BUD13: variants seen among roughly 807,000 people sequenced by gnomAD.
BUD13 encodes the protein BUD13 homolog.
BUD13 carries 47 observed loss-of-function variants against 62.5 expected under a neutral mutation model. The ratio of observed to expected loss-of-function variants is 0.75; its 90% CI spans 0.60 to 0.96. The LOEUF is 0.96. Ranked by LOEUF, BUD13 falls within the 40% of genes least tolerant of loss-of-function variation. The pLI, the probability that BUD13 is intolerant of heterozygous loss-of-function variation, is 0.00. For synonymous variants in BUD13, 293 were observed against 280.1 expected, an observed-to-expected ratio of 1.05 and a Z score of -0.46; for missense variants, 821 against 790.9, an observed-to-expected ratio of 1.04 and a Z score of -0.46.
intron 9 of BUD13, among the ~76,000 whole-genome samples, chr11:116,749,136 T>C (rs989830945): frequency 2.0e-5 from 3 of 151,958 alleles, no homozygotes; most frequent in South Asian, 2.1e-4. Flanking sequence ...TTTCAAACGT[T>C]TGCCACTCTA....
At chr11:116,758,052 G>A in intron 7 of BUD13, 102 bp from the exon 8 acceptor site, 1 of 1,479,098 alleles carries the variant, frequency 6.8e-7, no homozygotes, top group South Asian at 1.3e-5. Flanking sequence ...CCTCTTTCTA[G>A]TACCCTAGGG....
chr11:116,760,956 G>C lies in BUD13; in HGVS notation c.1037-4C>G, dbSNP rs1240888665. 6.2e-7 allele frequency: 1 copy of C among 1,613,400 alleles called. No homozygotes were observed. The highest frequency in any genetic ancestry group is 2.2e-5 in the East Asian group (1 of 44,892). On this transcript the variant is annotated splice_region_variant and splice_polypyrimidine_tract_variant and intron_variant, in intron 4 of 9. Coordinates refer to ENST00000260210, the MANE Select transcript of BUD13 (RefSeq NM_032725.4). The stretch of plus-strand genomic sequence containing the variant: ...TCAGTTGCTTTCTGGCAGTCACCTG[G>C]ATAGGAGCAAAGAATCTGTGTGACT...
chr11:116,765,644 A>C (rs1304035967), intron 2 of BUD13, among the ~76,000 whole-genome samples, 198 bp from the exon 3 acceptor site: 1 of 152,240 alleles, frequency 6.6e-6, no homozygotes, highest in Non-Finnish European at 1.5e-5. Flanking sequence ...TATTGGTTTA[A>C]TTGTAGATCC....
chr11:116,759,290 A>G, intron 5 of BUD13, 111 bp from the exon 6 acceptor site: 2 of 685,186 alleles, frequency 2.9e-6, no homozygotes, highest in Non-Finnish European at 2.6e-6. Flanking sequence ...AATTAAACCT[A>G]AAACTCTAGC....
intron 9 of BUD13, among the ~76,000 whole-genome samples, chr11:116,752,687 C>T (rs1940257872): frequency 6.6e-6 from 1 of 152,202 alleles, no homozygotes; most frequent in South Asian, 2.1e-4. Flanking sequence ...CAGTGAACTG[C>T]AAACGGAACT....
chr11:116,749,134 G>A (rs186779936), intron 9 of BUD13, among the ~76,000 whole-genome samples: 45 of 151,888 alleles, frequency 3.0e-4, no homozygotes, highest in Admixed American at 2.4e-3. Context: ...TATTTCAAAC[G>A]TTTGCCACTC....
intron 6 of BUD13, 26 bp downstream of exon 6, chr11:116,759,048 T>G: frequency 6.5e-7 from 1 of 1,533,980 alleles, no homozygotes; most frequent in East Asian, 2.2e-5. Context: ...GAGCCTAAAT[T>G]GGTCTCTGCA....
rs750220858 is a variant in BUD13 at position 116,770,497 on chromosome 11, C to CT, written c.144-276dup. Among the ~76,000 whole-genome samples, 1,203 of 142,242 alleles carry CT rather than the reference C, an allele frequency of 8.5e-3. 8 individuals are homozygous for CT. Among genetic ancestry groups the CT allele is most frequent in the South Asian group, 0.02 (89 of 4,470 alleles). The allele number at this position is 142,242 out of a possible 152,430, so 93.3% of individuals were successfully genotyped here. A position where few individuals can be genotyped will look rare whatever the true frequency, so the allele number is the denominator to read the frequency against. Reference sequence around the variant, plus strand: ...CTGATCTACTCTTTTCAATCTTTTTCTTTTTTTTTTTTTTTGAGACGGAGT... The same window carrying CT: ...CTGATCTACTCTTTTCAATCTTTTTCTTTTTTTTTTTTTTTTGAGACGGAGT... On this transcript the variant is annotated intron_variant, in intron 1 of 9. Coordinates refer to ENST00000260210, the MANE Select transcript of BUD13 (RefSeq NM_032725.4).
Position 116,755,373 on chromosome 11 carries a change from GAAC to G in BUD13, c.1766+1770_1766+1772del, listed in dbSNP as rs1565311557. On this transcript the variant is annotated intron_variant, in intron 9 of 9. Coordinates refer to ENST00000260210, the MANE Select transcript of BUD13 (RefSeq NM_032725.4). ...AAATATGTCAACATTTGGAAGGTCT[GAAC>G]AACTCAGCAAACCAATATTTTACAA... 2.0e-5 allele frequency among the ~76,000 whole-genome samples: 3 copies of G among 152,260 alleles called. No individual in the cohort carries two copies. In the South Asian group the frequency reaches 6.2e-4, roughly 32 times the overall value.
intron 4 of BUD13, among the ~76,000 whole-genome samples, chr11:116,761,557 G>GA (rs571623209): frequency 2.3e-3 from 351 of 152,106 alleles, no homozygotes; most frequent in African/African-American, 8.3e-3. Context: ...GACTGTAACT[G>GA]GTGTGTAAAA....
intron 9 of BUD13, among the ~76,000 whole-genome samples, chr11:116,749,601 G>T (rs1372796765): frequency 6.6e-6 from 1 of 152,174 alleles, no homozygotes; most frequent in Non-Finnish European, 1.5e-5. Flanking sequence ...AAGGCAAACT[G>T]GTATGGCTGG....
At chr11:116,748,695 A>G (rs1386072064) in intron 9 of BUD13, 120 bp from the exon 10 acceptor site, 1 of 1,089,548 alleles carries the variant, frequency 9.2e-7, no homozygotes, top group Non-Finnish European at 1.3e-6. Flanking sequence ...ATATGAAAAT[A>G]TTTTAGGCAT....
intron 6 of BUD13, among the ~76,000 whole-genome samples, chr11:116,758,713 G>C (rs1940376760): frequency 6.7e-6 from 1 of 149,644 alleles, no homozygotes; most frequent in Non-Finnish European, 1.5e-5. Context: ...TCAGCCTCCT[G>C]AGTAGCTGGG....
Position 116,757,193 on chromosome 11 carries a change from G to T in BUD13, c.1719C>A (p.Pro573=), listed in dbSNP as rs1431203232. ...RPRYSGPAPP[P]NRFNIWPGYR... ...ATCCAGGCCAGATATTAAATCTGTT[G>T]GGAGGAGGTGCTGGACCACTGTAGC... The change falls in exon 9 of 10, where the codon CCC becomes CCA. Residue 573 remains proline, a synonymous_variant. Transcript: ENST00000260210. 1 of 1,614,210 alleles carries T rather than the reference G, an allele frequency of 6.2e-7. No homozygotes were observed. Among genetic ancestry groups the T allele is most frequent in the Non-Finnish European group, 8.5e-7 (1 of 1,180,024 alleles).
In BUD13 at chr11:116,760,899, T is replaced by C. The variant is rs1403969108; in HGVS notation, c.1090A>G (p.Ser364Gly). The C allele has an allele frequency of 5.0e-6, 8 of 1,613,962 alleles. No individual in the cohort carries two copies. In the East Asian group the frequency reaches 1.1e-4, roughly 22 times the overall value. Residue 364 changes from serine (S) to glycine (G), a missense_variant, in exon 5 of 10, where the codon AGT becomes GGT. Coordinates refer to ENST00000260210, the MANE Select transcript of BUD13 (RefSeq NM_032725.4). ...SDLSSPRHKQSPGHQDSDSDL... is the reference protein window; with the variant it reads ...SDLSSPRHKQGPGHQDSDSDL... ...GAATCAGAATCCTGGTGCCCTGGAC[T>C]TTGTTTATGCCGTGGAGAAGAAAGG...
At chr11:116,752,341 G>C (rs967566336) in intron 9 of BUD13, among the ~76,000 whole-genome samples, 2 of 151,842 alleles carry the variant, frequency 1.3e-5, no homozygotes, top group Non-Finnish European at 2.9e-5. Flanking sequence ...CCTTGCAGCA[G>C]GCCGAAAAGA....
Position 116,763,185 on chromosome 11 carries a change from G to A in BUD13, c.404C>T (p.Thr135Ile), listed in dbSNP as rs1565314523. ...DSSPRRVRHG[T>I]PDPSPRKDRH... ...GTCCTTCCTAGGAGATGGATCTGGG[G>A]TACCATGACGGACCCTCCTAGGAGA... Residue 135 changes from threonine to isoleucine, a missense_variant, in exon 4 of 10, where the codon ACC becomes ATC. Coordinates refer to ENST00000260210, the MANE Select transcript of BUD13 (RefSeq NM_032725.4). 9 of 1,596,828 alleles carry A rather than the reference G, an allele frequency of 5.6e-6. No homozygotes were observed. The highest frequency in any genetic ancestry group is 1.3e-5 in the African/African-American group (1 of 74,608).
chr11:116,762,626 G>C lies in BUD13; in HGVS notation c.963C>G (p.Asp321Glu). Reference protein sequence around the residue: ...SFPKNSKYEYDPDISPPRKKQ... With the variant: ...SFPKNSKYEYEPDISPPRKKQ... ...TTTTTCGTGGAGGAGAGATGTCAGG[G>C]TCATACTCATATTTGCTGTTCTTTG... The change falls in exon 4 of 10, where the codon GAC (aspartate) becomes GAG (glutamate). Residue 321 changes from aspartate (D) to glutamate (E), a missense_variant. Physicochemically the swap from Asp to Glu is conservative, Grantham distance 45 (BLOSUM62 2). Transcript: ENST00000260210. 5 of 1,614,178 alleles carry C rather than the reference G, an allele frequency of 3.1e-6. No individual in the cohort carries two copies. Among genetic ancestry groups the C allele is most frequent in the Non-Finnish European group, 4.2e-6 (5 of 1,180,030 alleles).
At chr11:116,760,198 T>G (rs915512522) in intron 5 of BUD13, among the ~76,000 whole-genome samples, 2 of 152,254 alleles carry the variant, frequency 1.3e-5, no homozygotes, top group Non-Finnish European at 2.9e-5. Context: ...TAACACTAGA[T>G]GCTTACTTTG....
Sources: allele counts gnomAD v4.1 joint callset (sites outside exome capture counted in the v4.1 genomes callset), GRCh38; gene constraint gnomAD v4.1.1; transcripts MANE v1.5; gene names NCBI Gene and HGNC (gene_info 2026-07-23, HGNC 2026-07-21).